Variants in ZNF716 observed in about 807,000 individuals in gnomAD.
ZNF716 encodes the protein zinc finger protein 716.
A neutral mutation model predicts 13.4 loss-of-function variants in ZNF716; 9 were observed. That is an observed-to-expected ratio of 0.67 (90% confidence interval 0.41 to 1.18). The LOEUF (loss-of-function observed/expected upper bound fraction) is 1.18, where lower values mean the gene tolerates loss of function less well. Among genes scored for constraint, ZNF716 ranks in the 50% most tolerant of loss-of-function variants. ZNF716 has a pLI of 0.01. For missense variants in ZNF716, 581 were observed against 576.6 expected (o/e 1.01, Z -0.08); for synonymous variants, 186 against 195.2 (o/e 0.95, Z 0.39).
intron 1 of ZNF716, among the ~76,000 whole-genome samples, chr7:57,459,287 T>C (rs1414723323): frequency 2.0e-5 from 3 of 151,680 alleles, no homozygotes; most frequent in African/African-American, 7.3e-5. Context: ...GACATGCTCC[T>C]GAGCACACAG....
intron 1 of ZNF716, among the ~76,000 whole-genome samples, chr7:57,462,097 T>C (rs1420455083): frequency 2.0e-5 from 3 of 151,536 alleles, no homozygotes; most frequent in Admixed American, 1.3e-4. Flanking sequence ...GAGGCGGAGG[T>C]TGCAGTGAGC....
rs1448326963 is a variant in ZNF716 at position 57,464,115 on chromosome 7, CTTTTTTCTT to C, written c.262+954_262+962del. ...AGGTAGTTCAATCATTTGTCCATTTCTTTTTTCTTTTTTTTTTTTTTTTGAGATGGAGTT... is the reference window on the plus strand; with the variant it reads ...AGGTAGTTCAATCATTTGTCCATTTCTTTTTTTTTTTTTTGAGATGGAGTT... On this transcript the variant is annotated intron_variant, in intron 3 of 3. Coordinates refer to ENST00000420713, the MANE Select transcript of ZNF716 (RefSeq NM_001159279.1). Among the ~76,000 whole-genome samples the C allele has an allele frequency of 3.0e-4, 33 of 110,260 alleles. 1 individual carries two copies. Among genetic ancestry groups the C allele is most frequent in the Admixed American group, 1.0e-3 (9 of 8,862 alleles). 72.3% of individuals were successfully genotyped at this position (110,260 alleles called of 152,430 possible).
At chr7:57,462,994 CT>C in intron 2 of ZNF716, 78 bp from the exon 3 acceptor site, 1 of 1,543,464 alleles carries the variant, frequency 6.5e-7, no homozygotes, top group Non-Finnish European at 8.7e-7. Context: ...ATCATATCCT[CT>C]TTACTAAGCA....
chr7:57,471,684 C>T lies in ZNF716; in HGVS notation c.*1735C>T, dbSNP rs1349488224. Reference sequence around the variant, plus strand: ...TCAAAAAATATTTGTTCAAAAACTACAGTTTAGAAAACACTAGTTTATACT... The same window carrying T: ...TCAAAAAATATTTGTTCAAAAACTATAGTTTAGAAAACACTAGTTTATACT... On this transcript the variant is annotated 3_prime_UTR_variant, in exon 4 of 4. Transcript: ENST00000420713. 1 of 152,092 alleles carries T rather than the reference C, an allele frequency of 6.6e-6. No homozygotes were observed. Among genetic ancestry groups the T allele is most frequent in the Non-Finnish European group, 1.5e-5 (1 of 68,010 alleles). 9.4% of individuals were successfully genotyped at this position (152,092 alleles called of 1,614,324 possible). A position where few individuals can be genotyped will look rare whatever the true frequency, so the allele number is the denominator to read the frequency against.
chr7:57,461,172 G>A (rs1293291313), intron 1 of ZNF716, among the ~76,000 whole-genome samples: 1 of 151,984 alleles, frequency 6.6e-6, no homozygotes, highest in Non-Finnish European at 1.5e-5. Flanking sequence ...CAGCTACTCA[G>A]GGGCTGAGGC....
intron 3 of ZNF716, among the ~76,000 whole-genome samples, 154 bp downstream of exon 3, chr7:57,463,322 C>T (rs1244439462): frequency 6.6e-6 from 1 of 152,166 alleles, no homozygotes; most frequent in Non-Finnish European, 1.5e-5. Context: ...TACATAGGGA[C>T]ACCTTCTACT....
intron 1 of ZNF716, among the ~76,000 whole-genome samples, chr7:57,460,912 T>G (rs1462209631): frequency 1.3e-5 from 2 of 152,102 alleles, no homozygotes; most frequent in Non-Finnish European, 1.5e-5. Context: ...AAAATTACTA[T>G]TAAAAATTAC....
chr7:57,459,943 G>A (rs1385301432), intron 1 of ZNF716, among the ~76,000 whole-genome samples: 1 of 152,132 alleles, frequency 6.6e-6, no homozygotes, highest in African/African-American at 2.4e-5. Context: ...TGTGTGTGGT[G>A]GTAGCAGGTG....
chr7:57,468,846 T>C lies in ZNF716; in HGVS notation c.385T>C (p.Cys129Arg), dbSNP rs1554324541. 1 of 1,613,558 alleles carries C rather than the reference T, an allele frequency of 6.2e-7. No individual in the cohort carries two copies. Among genetic ancestry groups the C allele is most frequent in the East Asian group, 2.2e-5 (1 of 44,848 alleles). The change falls in exon 4 of 4, where the codon TGT becomes CGT. Residue 129 changes from cysteine (C) to arginine (R), a missense_variant. Transcript: ENST00000420713. ...GGAGGATTTACAAGTAAAAAAATGC[T>C]GTAAAAGTGTAGGTGAGTGTGAGGT... Reference protein sequence around the residue: ...GQEDLQVKKCCKSVGECEVHK... With the variant: ...GQEDLQVKKCRKSVGECEVHK...
intron 1 of ZNF716, among the ~76,000 whole-genome samples, chr7:57,462,120 C>T (rs1217245482): frequency 6.0e-5 from 9 of 150,884 alleles, no homozygotes; most frequent in Non-Finnish European, 1.3e-4. Flanking sequence ...ATTATCACGC[C>T]ACTGCACTCC....
At chr7:57,461,357 G>T (rs1175392275) in intron 1 of ZNF716, among the ~76,000 whole-genome samples, 29 of 152,144 alleles carry the variant, frequency 1.9e-4, no homozygotes, top group Non-Finnish European at 4.0e-4. Context: ...GTGTGCATCA[G>T]CACATAATAA....
In ZNF716 at chr7:57,469,089, G is replaced by C. The variant is rs782011431; in HGVS notation, c.628G>C (p.Glu210Gln). The change falls in exon 4 of 4, where the codon GAG becomes CAG. Residue 210 changes from glutamate to glutamine, a missense_variant. Coordinates refer to ENST00000420713, the MANE Select transcript of ZNF716 (RefSeq NM_001159279.1). ...TCAACATCAGATAATTCATACTAGG[G>C]AGAAGTCTTACAAATGTGAAGAATG... ...LNQHQIIHTR[E>Q]KSYKCEECGK... 8.1e-6 allele frequency: 13 copies of C among 1,608,218 alleles called. No individual in the cohort carries two copies. Among genetic ancestry groups the C allele is most frequent in the South Asian group, 1.1e-5 (1 of 90,682 alleles).
intron 1 of ZNF716, among the ~76,000 whole-genome samples, chr7:57,453,681 A>G (rs1204903973): frequency 6.6e-6 from 1 of 152,228 alleles, no homozygotes; most frequent in Non-Finnish European, 1.5e-5. Flanking sequence ...GGGAGAGAAT[A>G]TGAAAAATGT....
chr7:57,467,178 T>A (rs1235457481), intron 3 of ZNF716, among the ~76,000 whole-genome samples: 61 of 152,254 alleles, frequency 4.0e-4, no homozygotes, highest in African/African-American at 1.3e-3. Flanking sequence ...ATCCCATATG[T>A]CTTATTAATG....
chr7:57,469,495 T>C lies in ZNF716; in HGVS notation c.1034T>C (p.Val345Ala). 1.2e-6 allele frequency: 2 copies of C among 1,612,336 alleles called. No homozygotes were observed. The highest frequency in any genetic ancestry group is 1.7e-6 in the Non-Finnish European group (2 of 1,179,254). The change falls in exon 4 of 4, where the codon GTT becomes GCT. Residue 345 changes from valine (V) to alanine (A), a missense_variant. Val to Ala is a moderately conservative substitution (Grantham distance 64). Transcript: ENST00000420713. ...TCAACCCTTAAGAAACATAAGATAG[T>C]TCATACTGGGGAGAAACTCTACACA... ...LSSTLKKHKI[V>A]HTGEKLYTCE...
rs188679179 is a variant in ZNF716, at chr7:57,471,847, G to A, written c.*1898G>A. The A allele has an allele frequency of 2.6e-4, 40 of 152,204 alleles. No homozygotes were observed. Among genetic ancestry groups the A allele is most frequent in the African/African-American group, 9.4e-4 (39 of 41,506 alleles). The allele number at this position is 152,204 out of a possible 1,614,324, so 9.4% of individuals were successfully genotyped here. On this transcript the variant is annotated 3_prime_UTR_variant, in exon 4 of 4. Transcript: ENST00000420713. ...AGACATTACACTAAATCAGAGTGTTGAGTGTAAAAAAGATATAAATCTAAC... is the reference window on the plus strand; with the variant it reads ...AGACATTACACTAAATCAGAGTGTTAAGTGTAAAAAAGATATAAATCTAAC...
At position 57,471,794 on chromosome 7, in the gene ZNF716, G is replaced by A. The variant is rs1789942441; in HGVS notation, c.*1845G>A. 1 of 149,488 alleles carries A rather than the reference G, an allele frequency of 6.7e-6. No individual in the cohort carries two copies. The highest frequency in any genetic ancestry group is 6.8e-5 in the Admixed American group (1 of 14,642). 9.3% of individuals were successfully genotyped at this position (149,488 alleles called of 1,614,324 possible). A position where few individuals can be genotyped will look rare whatever the true frequency, so the allele number is the denominator to read the frequency against. On this transcript the variant is annotated 3_prime_UTR_variant, in exon 4 of 4. Transcript: ENST00000420713. ...CTACATAAACATTTGAGGATTCACAGTAGAAAGAATGAAGGTGCTGAAACT... is the reference window on the plus strand; with the variant it reads ...CTACATAAACATTTGAGGATTCACAATAGAAAGAATGAAGGTGCTGAAACT...
At chr7:57,457,801 T>A (rs1562675741) in intron 1 of ZNF716, among the ~76,000 whole-genome samples, 1 of 152,220 alleles carries the variant, frequency 6.6e-6, no homozygotes, top group Non-Finnish European at 1.5e-5. Context: ...GTTTTCTTCA[T>A]CCTCCAACCC....
chr7:57,450,192 C>A lies in ZNF716; in HGVS notation c.-97C>A. On this transcript the variant is annotated 5_prime_UTR_variant, in exon 1 of 4. Coordinates refer to ENST00000420713, the MANE Select transcript of ZNF716 (RefSeq NM_001159279.1). ...GTTACGGGTTCTTTTTGCTTCTCTG[C>A]GCCCAGAGCTCCAGTCCTTCTCTTC... 6.4e-7 allele frequency: 1 copy of A among 1,568,522 alleles called. No individual in the cohort carries two copies. The highest frequency in any genetic ancestry group is 8.7e-7 in the Non-Finnish European group (1 of 1,148,618).
Sources: gnomAD v4.1 joint callset for allele counts (sites outside exome capture counted in the v4.1 genomes callset) on GRCh38, gnomAD v4.1.1 for gene constraint, MANE v1.5 for transcripts, NCBI Gene and HGNC (gene_info 2026-07-23, HGNC 2026-07-21) for gene names.